The following CEP192 variants were observed in gnomAD, a reference collection of about 807,000 sequenced individuals.
CEP192 encodes the protein centrosomal protein of 192 kDa.
In CEP192, 151 loss-of-function variants were observed where a neutral mutation model predicts 271.8. The ratio of observed to expected loss-of-function variants is 0.56; its 90% confidence interval spans 0.49 to 0.64. The LOEUF is 0.64. CEP192 is among the 30% of genes least tolerant of loss of function. CEP192 has a pLI of 0.00. For missense variants in CEP192, 2,910 were observed against 3,020.5 expected (o/e 0.96, Z 0.86); for synonymous variants, 995 against 1,076.5 (o/e 0.92, Z 1.48).
Position 13,053,047 on chromosome 18 carries a change from C to A in CEP192, c.3146C>A (p.Ser1049Tyr). ...RLTYVSEPES[S>Y]YPTTATDDAL... is the part of the protein sequence containing the mutation. ...ACGTATGTGTCTGAACCAGAGAGCTCCTATCCTACCACAGCCACAGATGAT... is the reference window on the plus strand; with the variant it reads ...ACGTATGTGTCTGAACCAGAGAGCTACTATCCTACCACAGCCACAGATGAT... Residue 1049 changes from serine (S) to tyrosine (Y), a missense_variant, in exon 18 of 45, where the codon TCC becomes TAC. Transcript: ENST00000506447. The A allele has an allele frequency of 6.2e-7, 1 of 1,613,474 alleles. No individual in the cohort carries two copies. Among genetic ancestry groups the A allele is most frequent in the South Asian group, 1.1e-5 (1 of 90,990 alleles).
intron 9 of CEP192, among the ~76,000 whole-genome samples, chr18:13,021,850 C>T (rs921585496): frequency 1.3e-5 from 2 of 152,104 alleles, no homozygotes; most frequent in Non-Finnish European, 2.9e-5. Context: ...CAAGTACTTT[C>T]GTCTTTTAGA....
At chr18:13,102,477 CT>C (rs2039755934) in intron 38 of CEP192, among the ~76,000 whole-genome samples, 1 of 152,126 alleles carries the variant, frequency 6.6e-6, no homozygotes. Context: ...GTGGCTACCC[CT>C]GTCTCAGCAG....
At chr18:13,117,350 C>T (rs1214498302) in intron 43 of CEP192, among the ~76,000 whole-genome samples, 1 of 152,032 alleles carries the variant, frequency 6.6e-6, no homozygotes. Flanking sequence ...TTCTTCTGTA[C>T]TATTATACAC....
At chr18:13,091,164 G>A (rs1470897365) in intron 33 of CEP192, among the ~76,000 whole-genome samples, 1 of 152,222 alleles carries the variant, frequency 6.6e-6, no homozygotes, top group East Asian at 1.9e-4. Flanking sequence ...CTTGAAGAAA[G>A]AGGAGGAGTT....
At chr18:13,121,437 T>C (rs1212671782) in intron 44 of CEP192, among the ~76,000 whole-genome samples, 3 of 152,200 alleles carry the variant, frequency 2.0e-5, no homozygotes, top group African/African-American at 7.2e-5. Context: ...CCTTACAGGC[T>C]GTAAGCTGAT....
chr18:13,026,675 G>T (rs1194202919), intron 9 of CEP192, among the ~76,000 whole-genome samples: 1 of 152,114 alleles, frequency 6.6e-6, no homozygotes, highest in Non-Finnish European at 1.5e-5. Flanking sequence ...CTACCAATGA[G>T]CCCAGCGTAG....
chr18:13,039,886 A>G (rs1568320383), intron 13 of CEP192, among the ~76,000 whole-genome samples: 1 of 152,232 alleles, frequency 6.6e-6, no homozygotes. Context: ...GCTGGGGACA[A>G]GGATGACCTA....
chr18:13,088,915 GT>G (rs768442700), intron 32 of CEP192: 21 of 435,448 alleles, frequency 4.8e-5, no homozygotes, highest in South Asian at 1.2e-4. Context: ...GTATTCTGAT[GT>G]TTTTTTTTCT....
At chr18:13,039,928 A>T (rs1489117060) in intron 13 of CEP192, among the ~76,000 whole-genome samples, 3 of 152,180 alleles carry the variant, frequency 2.0e-5, no homozygotes, top group Non-Finnish European at 4.4e-5. Context: ...AGAATTCAAG[A>T]TTTATTCTAT....
At chr18:13,018,650 T>G in intron 8 of CEP192, 35 bp downstream of exon 8, 1 of 1,400,344 alleles carries the variant, frequency 7.1e-7, no homozygotes, top group Non-Finnish European at 9.5e-7. Context: ...TGTTCTTAAG[T>G]TCTAGTTTTG....
chr18:13,086,968 G>T, intron 30 of CEP192, 49 bp from the exon 31 acceptor site: 4 of 1,329,440 alleles, frequency 3.0e-6, no homozygotes, highest in Non-Finnish European at 4.2e-6. Context: ...TCAGTGTTTC[G>T]CTTTCTGCTT....
intron 38 of CEP192, among the ~76,000 whole-genome samples, chr18:13,102,994 G>T (rs941816149): frequency 2.0e-5 from 3 of 152,210 alleles, no homozygotes; most frequent in Admixed American, 6.5e-5. Flanking sequence ...ACCACTATCT[G>T]TTCATTGGTT....
chr18:13,116,547 T>G, intron 43 of CEP192, 44 bp downstream of exon 43: 2 of 1,507,840 alleles, frequency 1.3e-6, no homozygotes, highest in Non-Finnish European at 1.8e-6. Context: ...AATACATGCA[T>G]TCAACTCTGA....
intron 38 of CEP192, among the ~76,000 whole-genome samples, chr18:13,102,151 G>A (rs1194189264): frequency 1.3e-5 from 2 of 151,916 alleles, no homozygotes; most frequent in African/African-American, 4.8e-5. Context: ...ACAGCTGGGG[G>A]CCCTTCTTTC....
At chr18:13,072,874 G>A in intron 29 of CEP192, 29 bp downstream of exon 29, 1 of 1,568,274 alleles carries the variant, frequency 6.4e-7, no homozygotes, top group Non-Finnish European at 8.8e-7. Context: ...TTCTTGTTAT[G>A]TCTTCTGTCT....
chr18:12,993,701 C>G (rs1169673083), intron 1 of CEP192, among the ~76,000 whole-genome samples: 1 of 152,180 alleles, frequency 6.6e-6, no homozygotes, highest in African/African-American at 2.4e-5. Flanking sequence ...GGTGGGAATC[C>G]TCTGGCCTCA....
intron 39 of CEP192, 63 bp from the exon 40 acceptor site, chr18:13,104,921 G>T (rs1466037908): frequency 1.7e-6 from 2 of 1,180,430 alleles, no homozygotes; most frequent in African/African-American, 3.0e-5. Context: ...AGGTAATAGT[G>T]TCTCTGTGGG....
intron 21 of CEP192, among the ~76,000 whole-genome samples, chr18:13,067,419 T>C (rs1047337096): frequency 3.9e-5 from 6 of 152,188 alleles, no homozygotes; most frequent in Admixed American, 1.3e-4. Flanking sequence ...TTTTAAACTT[T>C]TGATATGTCT....
At chr18:13,020,326 T>C (rs184921098) in intron 9 of CEP192, among the ~76,000 whole-genome samples, 1 of 152,362 alleles carries the variant, frequency 6.6e-6, no homozygotes, top group African/African-American at 2.4e-5. Context: ...AGTGAAATCA[T>C]ACAATATTTG....
Sources: gnomAD v4.1 joint callset for allele counts (sites outside exome capture counted in the v4.1 genomes callset) on GRCh38, gnomAD v4.1.1 for gene constraint, MANE v1.5 for transcripts, NCBI Gene and HGNC (gene_info 2026-07-23, HGNC 2026-07-21) for gene names.